Variants in FAT1 observed in about 807,000 individuals in gnomAD.
The protein encoded by FAT1 is FAT atypical cadherin 1, also known as protocadherin Fat 1.
Under a neutral mutation model 329.8 loss-of-function variants are expected in FAT1, and 171 were observed. That is an observed-to-expected ratio of 0.52 (90% CI 0.46 to 0.59). The LOEUF (loss-of-function observed/expected upper bound fraction) is 0.59. Among genes scored for constraint, FAT1 ranks in the 20% least tolerant of loss-of-function variants. The pLI, the probability that FAT1 is intolerant of heterozygous loss-of-function variation, is 0.00. For synonymous variants in FAT1, 2,233 were observed against 2,228.6 expected (o/e 1.00, Z -0.06); for missense variants, 5,672 against 5,774.4 (o/e 0.98, Z 0.57).
At chr4:186,681,400 T>A (rs1743199102) in intron 2 of FAT1, among the ~76,000 whole-genome samples, 1 of 152,122 alleles carries the variant, frequency 6.6e-6, no homozygotes, top group South Asian at 2.1e-4. Flanking sequence ...CTTAAAGAGG[T>A]ATGACACCTT....
At chr4:186,645,966 T>C (rs11728472) in intron 3 of FAT1, among the ~76,000 whole-genome samples, 21,071 of 80,312 alleles carry the variant, frequency 0.26, 3,187 homozygotes, top group Middle Eastern at 0.34. Context: ...AAAAAAAATA[T>C]ATACACACAC....
intron 2 of FAT1, among the ~76,000 whole-genome samples, chr4:186,675,434 T>C (rs1049806170): frequency 7.2e-5 from 11 of 151,986 alleles, no homozygotes; most frequent in African/African-American, 2.4e-4. Flanking sequence ...GCCACCGCAC[T>C]CCATCCTGGG....
upstream of FAT1, among the ~76,000 whole-genome samples, chr4:186,724,098 G>A (rs1235832764): frequency 6.7e-6 from 1 of 150,118 alleles, no homozygotes; most frequent in Non-Finnish European, 1.5e-5. The surrounding 1 kb of genome is among the most constrained non-coding windows in gnomAD (Gnocchi z 5.3). Flanking sequence ...GGCTTGTGAT[G>A]CCGAGGTTAG....
Position 186,645,411 on chromosome 4 carries a change from A to C in FAT1, c.3581-5628T>G, listed in dbSNP as rs1560962497. 2.7e-3 allele frequency among the ~76,000 whole-genome samples: 225 copies of C among 84,644 alleles called. 11 individuals are homozygous for C. The highest frequency in any genetic ancestry group is 0.01 in the African/African-American group (208 of 20,114). The allele number at this position is 84,644 out of a possible 152,430, so 55.5% of individuals were successfully genotyped here. A position where few individuals can be genotyped will look rare whatever the true frequency, so the allele number is the denominator to read the frequency against. On this transcript the variant is annotated intron_variant, in intron 3 of 26. Transcript: ENST00000441802. Reference sequence around the variant, plus strand: ...TATATATATATATATATATATATATATATATATATATGCCTGTAAAAAACT... The same window carrying C: ...TATATATATATATATATATATATATCTATATATATATGCCTGTAAAAAACT...
chr4:186,664,001 TG>T (rs1742312432), intron 2 of FAT1, among the ~76,000 whole-genome samples: 1 of 152,150 alleles, frequency 6.6e-6, no homozygotes, highest in Non-Finnish European at 1.5e-5. Flanking sequence ...AGTTTATAGT[TG>T]GTTGAGAGAC....
At chr4:186,698,627 G>A (rs1023904088) in intron 2 of FAT1, among the ~76,000 whole-genome samples, 5 of 152,214 alleles carry the variant, frequency 3.3e-5, no homozygotes, top group South Asian at 2.1e-4. Flanking sequence ...GACAGAAAAC[G>A]GCGAGGCACA....
chr4:186,619,467 A>T lies in FAT1; in HGVS notation c.7119T>A (p.Asp2373Glu), dbSNP rs1175282728. The change falls in exon 10 of 27, where the codon GAT (aspartate) becomes GAA (glutamate). Residue 2373 changes from aspartate (D) to glutamate (E), a missense_variant. Transcript: ENST00000441802. ...CGGTAACGTCCACCGTGACAATCAC[A>T]TCACTGCTCAGCGTGGGCATACCAC... ...VDGGMPTLSS[D>E]VIVTVDVTDL... 3 of 1,614,050 alleles carry T rather than the reference A, an allele frequency of 1.9e-6. No homozygotes were observed. The highest frequency in any genetic ancestry group is 2.5e-6 in the Non-Finnish European group (3 of 1,179,902).
At chr4:186,699,883 T>C (rs1395881258) in intron 2 of FAT1, among the ~76,000 whole-genome samples, 2 of 152,222 alleles carry the variant, frequency 1.3e-5, no homozygotes, top group Non-Finnish European at 2.9e-5. Flanking sequence ...ATCTTTTCAA[T>C]TTTCATAGTT....
intron 2 of FAT1, among the ~76,000 whole-genome samples, chr4:186,674,102 T>A (rs1742848016): frequency 6.6e-6 from 1 of 152,238 alleles, no homozygotes; most frequent in Admixed American, 6.5e-5. Context: ...ATTACTCTTC[T>A]CCCCTTATAC....
At position 186,650,734 on chromosome 4, in the gene FAT1, C is replaced by T. The variant is rs1029980836; in HGVS notation, c.3581-10951G>A. ...TACCAGGAAAAATGAACATAAATTA[C>T]ATAAATAGGGAAGATATGAGAGGTC... On this transcript the variant is annotated intron_variant, in intron 3 of 26. Transcript: ENST00000441802. 5.3e-5 allele frequency among the ~76,000 whole-genome samples: 8 copies of T among 152,258 alleles called. No homozygotes were observed. In the East Asian group the frequency reaches 1.5e-3, roughly 29 times the overall value.
In FAT1 at chr4:186,633,582, C is replaced by T. The variant is rs191430776; in HGVS notation, c.4323+102G>A. 4 of 1,242,120 alleles carry T rather than the reference C, an allele frequency of 3.2e-6. No homozygotes were observed. The East Asian group carries it at 7.1e-5, about 22-fold the overall frequency. The allele number at this position is 1,242,120 out of a possible 1,614,324, so 76.9% of individuals were successfully genotyped here. On this transcript the variant is annotated intron_variant, in intron 7 of 26. Transcript: ENST00000441802. ...TGTGTGTAAACTTCTGATTTTAGAC[C>T]CTCACAGGGCAGAATCCACCGCTCA...
rs115460650 is a variant in FAT1, at chr4:186,639,767, C to T, written c.3597G>A (p.Thr1199=). The T allele has an allele frequency of 1.9e-3, 2,993 of 1,612,682 alleles. 10 individuals carry two copies. Among genetic ancestry groups the T allele is most frequent in the African/African-American group, 0.012 (894 of 74,882 alleles). The change falls in exon 4 of 27, where the codon ACG becomes ACA. Residue 1199 remains threonine (T), a synonymous_variant. Coordinates refer to ENST00000441802, the MANE Select transcript of FAT1 (RefSeq NM_005245.4). Reference sequence around the variant, plus strand: ...GCTGTTCTCGGTCTAGCTTCCTTGACGTAGTTGTGATGAGACCTGTAAAAT... The same window carrying T: ...GCTGTTCTCGGTCTAGCTTCCTTGATGTAGTTGTGATGAGACCTGTAAAAT... ...IHPKTGLITT[T]SRKLDREQQD... is the part of the protein sequence containing the mutation.
chr4:186,634,384 T>G (rs1740731618), intron 6 of FAT1, among the ~76,000 whole-genome samples: 1 of 152,132 alleles, frequency 6.6e-6, no homozygotes, highest in South Asian at 2.1e-4. Flanking sequence ...ATTAATATTA[T>G]CCAAATATTT....
rs1358786582 is a variant in FAT1, at chr4:186,628,316, C to T, written c.4648G>A (p.Val1550Ile). The T allele has an allele frequency of 2.5e-6, 4 of 1,613,508 alleles. No individual in the cohort carries two copies. The highest frequency in any genetic ancestry group is 2.7e-5 in the African/African-American group (2 of 75,024). The change falls in exon 9 of 27, where the codon GTC becomes ATC. Residue 1550 changes from valine (V) to isoleucine (I), a missense_variant. By Grantham distance (29) the Val-to-Ile change is conservative. Coordinates refer to ENST00000441802, the MANE Select transcript of FAT1 (RefSeq NM_005245.4). ...PVKRNFARIV[V>I]NVSDTNDHAP... The stretch of plus-strand genomic sequence containing the variant: ...TGGTCATTCGTGTCGCTGACATTGA[C>T]CACAATCCTTGCAAAGTTGCGTTTT...
At position 186,618,787 on chromosome 4, in the gene FAT1, T is replaced by C. The variant is rs754713122; in HGVS notation, c.7799A>G (p.Lys2600Arg). The change falls in exon 10 of 27, where the codon AAA becomes AGA. Residue 2600 changes from lysine to arginine, a missense_variant. Transcript: ENST00000441802. ...NDNAPQFRAT[K>R]YEVNIGSSAA... Reference sequence around the variant, plus strand: ...ACTGGACCCGATATTCACTTCGTATTTGGTTGCTCGAAATTGTGGTGCATT... The same window carrying C: ...ACTGGACCCGATATTCACTTCGTATCTGGTTGCTCGAAATTGTGGTGCATT... 8 of 1,614,032 alleles carry C rather than the reference T, an allele frequency of 5.0e-6. No individual in the cohort carries two copies. In the East Asian group the frequency reaches 6.7e-5, roughly 13 times the overall value.
chr4:186,667,022 C>T (rs1465343290), intron 2 of FAT1, among the ~76,000 whole-genome samples: 1 of 152,226 alleles, frequency 6.6e-6, no homozygotes, highest in Non-Finnish European at 1.5e-5. Context: ...ATTTCATCCA[C>T]CTGTTCTACA....
chr4:186,706,632 C>T lies in FAT1; in HGVS notation c.3196G>A (p.Asp1066Asn), dbSNP rs775390063. Residue 1066 changes from aspartate to asparagine, a missense_variant, in exon 2 of 27, where the codon GAT becomes AAT. This residue lies in a region of FAT1 where 3,966 missense variants were observed against 3,915.2 expected (regional missense o/e 1.01). Transcript: ENST00000441802. ...VSAHDEDARR[D>N]GEIRYSIRDG... ...CTAATGGAGTATCGGATCTCCCCAT[C>T]TCTTCTGGCGTCCTCATCATGAGCC... 1.6e-5 allele frequency: 26 copies of T among 1,613,896 alleles called. No individual in the cohort carries two copies. Among genetic ancestry groups the T allele is most frequent in the Middle Eastern group, 3.3e-4 (2 of 6,084 alleles).
At position 186,618,316 on chromosome 4, in the gene FAT1, C is replaced by T. The variant is rs376276520; in HGVS notation, c.8270G>A (p.Ser2757Asn). The change falls in exon 10 of 27, where the codon AGC becomes AAC. Residue 2757 changes from serine to asparagine, a missense_variant. Ser to Asn is a conservative substitution (Grantham distance 46). Coordinates refer to ENST00000441802, the MANE Select transcript of FAT1 (RefSeq NM_005245.4). Reference protein sequence around the residue: ...RDESFVIDRQSGRLKLEKSLD... With the variant: ...RDESFVIDRQNGRLKLEKSLD... ...ACTCTTCTCCAACTTCAGTCTCCCG[C>T]TCTGTCTGTCAATCACAAAGGACTC... 3.1e-6 allele frequency: 5 copies of T among 1,613,928 alleles called. No individual in the cohort carries two copies. In the African/African-American group the frequency reaches 5.3e-5, roughly 17 times the overall value.
intron 17 of FAT1, 140 bp from the exon 18 acceptor site, chr4:186,604,714 A>C (rs1187868614): frequency 5.3e-6 from 3 of 564,580 alleles, no homozygotes; most frequent in Non-Finnish European, 8.9e-6. Flanking sequence ...AAGAGAAGAA[A>C]GGTGGAGACG....
Sources: gnomAD v4.1 joint callset for allele counts (sites outside exome capture counted in the v4.1 genomes callset) on GRCh38, gnomAD v4.1.1 for gene constraint, gnomAD v4.1.1 regional missense constraint, Gnocchi (gnomAD v3.1) non-coding constraint, MANE v1.5 for transcripts, NCBI Gene and HGNC (gene_info 2026-07-23, HGNC 2026-07-21) for gene names.